Variants in FGF13 observed in about 807,000 individuals in gnomAD.
The protein encoded by FGF13 is fibroblast growth factor 13, also known as fibroblast growth factor homologous factor 2.
A neutral mutation model predicts 19.5 loss-of-function variants in FGF13; 2 were observed. The ratio of observed to expected loss-of-function variants is 0.10; its 90% confidence interval spans 0.04 to 0.32. The LOEUF (loss-of-function observed/expected upper bound fraction) is 0.32. Ranked by LOEUF, FGF13 falls within the 10% of genes least tolerant of loss-of-function variation. The pLI is 1.00. For missense variants in FGF13, 113 were observed against 192.7 expected, an observed-to-expected ratio of 0.59 and a Z score of 2.45; for synonymous variants, 72 against 76.9, an observed-to-expected ratio of 0.94 and a Z score of 0.33.
intron 1 of FGF13, among the ~76,000 whole-genome samples, chrX:139,181,299 G>C (rs1480223605): frequency 8.9e-6 from 1 of 112,480 alleles, no homozygotes; most frequent in African/African-American, 3.2e-5. Context: ...CCATGCTCTT[G>C]ATCTCAGTCT....
chrX:139,139,197 T>C (rs1005848901), intron 1 of FGF13, among the ~76,000 whole-genome samples: 6 of 111,438 alleles, frequency 5.4e-5, no homozygotes, highest in African/African-American at 1.6e-4. Context: ...TCTCCCAAAG[T>C]GCTGGGAATA....
At chrX:138,703,686 T>C (rs181174810) in intron 2 of FGF13, among the ~76,000 whole-genome samples, 23 of 112,245 alleles carry the variant, frequency 2.0e-4, no homozygotes, top group African/African-American at 7.1e-4. Flanking sequence ...AAAAGTCATT[T>C]TGTAGTCCTA....
chrX:139,028,760 C>G (rs184587779), intron 1 of FGF13, among the ~76,000 whole-genome samples: 1 of 108,892 alleles, frequency 9.2e-6, no homozygotes, highest in East Asian at 2.9e-4. Context: ...GGTGTATGAT[C>G]ACAGGAGCAC....
Position 138,781,461 on chromosome X carries a change from A to G in FGF13, c.218-72533T>C, listed in dbSNP as rs770043889. On this transcript the variant is annotated intron_variant, in intron 3 of 6. Transcript: ENST00000436198. ...AAAAAGAGAGAAGAATCAAATAGAC[A>G]CAATAAAAAATGATAAAGGGGATAT... Among the ~76,000 whole-genome samples the G allele has an allele frequency of 3.7e-3, 402 of 109,394 alleles. 1 individual carries two copies. Among genetic ancestry groups the G allele is most frequent in the Non-Finnish European group, 5.4e-3 (285 of 52,329 alleles). The allele number at this position is 109,394 out of a possible 115,157, so 95.0% of individuals were successfully genotyped here. A position where few individuals can be genotyped will look rare whatever the true frequency, so the allele number is the denominator to read the frequency against.
intron 1 of FGF13, among the ~76,000 whole-genome samples, chrX:139,033,610 G>A (rs970738008): frequency 8.9e-6 from 1 of 111,827 alleles, no homozygotes; most frequent in Admixed American, 9.5e-5. Flanking sequence ...TTGCTTACAA[G>A]GCAATAATCA....
intron 1 of FGF13, among the ~76,000 whole-genome samples, chrX:139,067,142 A>T (rs1269176169): frequency 8.9e-6 from 1 of 111,881 alleles, no homozygotes; most frequent in Non-Finnish European, 1.9e-5. Flanking sequence ...GCAAAATAAT[A>T]AGAGCTATTT....
At chrX:139,100,041 AACACACACACACACACACAC>A (rs56821859) in intron 1 of FGF13, among the ~76,000 whole-genome samples, 3 of 76,410 alleles carry the variant, frequency 3.9e-5, no homozygotes, top group Middle Eastern at 0.016. Context: ...GGGGAAAGCA[AACACACACACACACACACAC>A]ACACACACAC....
chrX:139,013,176 A>G (rs930859569), intron 1 of FGF13, among the ~76,000 whole-genome samples: 8 of 110,646 alleles, frequency 7.2e-5, no homozygotes, highest in Non-Finnish European at 1.5e-4. Context: ...GGCCATAATC[A>G]AAAAATCAAA....
chrX:139,154,881 G>A (rs1395709537), intron 1 of FGF13, among the ~76,000 whole-genome samples: 1 of 111,711 alleles, frequency 9.0e-6, no homozygotes, highest in African/African-American at 3.3e-5. Flanking sequence ...TTGTACCAGG[G>A]ACTGTTCTAA....
In FGF13 at chrX:139,026,296, G is replaced by A. The variant is rs191342735; in HGVS notation, c.-112-161646C>T. 6.3e-5 allele frequency among the ~76,000 whole-genome samples: 7 copies of A among 110,973 alleles called. No individual in the cohort carries two copies. In the East Asian group the frequency reaches 2.0e-3, roughly 32 times the overall value. On this transcript the variant is annotated intron_variant, in intron 1 of 2. Transcript: ENST00000421460. Reference sequence around the variant, plus strand: ...TTCAGGAGAGCCACAGCATGAAATAGAGGGCCTTGGTTTAATAATTTTAAA... The same window carrying A: ...TTCAGGAGAGCCACAGCATGAAATAAAGGGCCTTGGTTTAATAATTTTAAA...
At chrX:139,099,515 C>T (rs1257432461) in intron 1 of FGF13, among the ~76,000 whole-genome samples, 1 of 110,694 alleles carries the variant, frequency 9.0e-6, no homozygotes, top group African/African-American at 3.3e-5. Context: ...TTGCTTCATG[C>T]AGGACCAATG....
chrX:139,141,052 G>A (rs1255341588), intron 1 of FGF13, among the ~76,000 whole-genome samples: 2 of 22,592 alleles, frequency 8.9e-5, no homozygotes, highest in Admixed American at 7.5e-4. Context: ...ATAGATGATA[G>A]ATAGATAGAT....
chrX:139,186,632 G>C (rs2084285597), intron 1 of FGF13, among the ~76,000 whole-genome samples: 1 of 111,763 alleles, frequency 8.9e-6, no homozygotes, highest in African/African-American at 3.3e-5. Context: ...CAATGCCTTT[G>C]TGTGCCAGCC....
intron 1 of FGF13, among the ~76,000 whole-genome samples, chrX:138,918,241 C>A (rs1183557200): frequency 9.0e-6 from 1 of 110,919 alleles, no homozygotes; most frequent in Non-Finnish European, 1.9e-5. Flanking sequence ...TGACACTGAG[C>A]CTTGTTATTC....
intron 2 of FGF13, among the ~76,000 whole-genome samples, chrX:138,860,872 C>T (rs1422840766): frequency 8.9e-6 from 1 of 111,996 alleles, no homozygotes; most frequent in African/African-American, 3.3e-5. Flanking sequence ...GTGCCCCCAG[C>T]CTCGAAAACA....
chrX:138,949,308 C>T (rs896039509), intron 1 of FGF13, among the ~76,000 whole-genome samples: 3 of 111,431 alleles, frequency 2.7e-5, no homozygotes, highest in African/African-American at 9.8e-5. Context: ...GTTGTTTTGG[C>T]CATTCTTCCT....
At chrX:138,667,563 T>C (rs112793858) in intron 3 of FGF13, 1 of 311,593 alleles carries the variant, frequency 3.2e-6, no homozygotes, top group South Asian at 2.9e-5. Flanking sequence ...TTTCAATAAC[T>C]ACTAAAGAGA....
intron 3 of FGF13, among the ~76,000 whole-genome samples, chrX:138,844,660 C>A (rs903792688): frequency 1.8e-5 from 2 of 111,712 alleles, no homozygotes; most frequent in African/African-American, 6.5e-5. Flanking sequence ...TCCTTGGCTT[C>A]CTTAGACCTC....
At chrX:139,032,230 T>A (rs912285239) in intron 1 of FGF13, among the ~76,000 whole-genome samples, 9 of 112,112 alleles carry the variant, frequency 8.0e-5, no homozygotes, top group African/African-American at 2.9e-4. Context: ...TAATGCCAAA[T>A]ATAAGATACA....
Sources: gnomAD v4.1 joint callset for allele counts (sites outside exome capture counted in the v4.1 genomes callset) on GRCh38, gnomAD v4.1.1 for gene constraint, MANE v1.5 for transcripts, NCBI Gene and HGNC (gene_info 2026-07-23, HGNC 2026-07-21) for gene names.